The following DCLK2 variants were observed in gnomAD, a reference collection of about 807,000 sequenced individuals.
DCLK2 encodes serine/threonine-protein kinase DCLK2.
DCLK2 carries 31 observed loss-of-function variants against 78.4 expected under a neutral mutation model. That is an observed-to-expected ratio of 0.40 (90% CI 0.30 to 0.53). The LOEUF is 0.53. Ranked by LOEUF, DCLK2 falls within the 20% of genes least tolerant of loss-of-function variation. DCLK2 has a pLI of 0.61. For missense variants in DCLK2, 872 were observed against 973.7 expected, an observed-to-expected ratio of 0.90 and a Z score of 1.39; for synonymous variants, 407 against 374.9, an observed-to-expected ratio of 1.09 and a Z score of -0.99.
chr4:150,155,477 G>A (rs956499925), intron 2 of DCLK2, among the ~76,000 whole-genome samples: 1 of 152,196 alleles, frequency 6.6e-6, no homozygotes, highest in Non-Finnish European at 1.5e-5. Flanking sequence ...TTTATGAAAG[G>A]AAGAGAATGA....
intron 10 of DCLK2, among the ~76,000 whole-genome samples, chr4:150,235,863 T>C (rs1742459071): frequency 6.6e-6 from 1 of 152,218 alleles, no homozygotes; most frequent in Non-Finnish European, 1.5e-5. Flanking sequence ...GTAAGCAGCA[T>C]CATAATTTAA....
intron 2 of DCLK2, among the ~76,000 whole-genome samples, chr4:150,114,716 C>T (rs1731947311): frequency 1.3e-5 from 2 of 152,194 alleles, no homozygotes; most frequent in Non-Finnish European, 2.9e-5. Context: ...AATAAGACCC[C>T]ACTCCCTTTT....
chr4:150,091,658 G>T (rs1169962220), intron 1 of DCLK2, among the ~76,000 whole-genome samples: 2 of 152,110 alleles, frequency 1.3e-5, no homozygotes, highest in Non-Finnish European at 2.9e-5. Context: ...TATAACAGAG[G>T]TGTATGAGAG....
intron 2 of DCLK2, among the ~76,000 whole-genome samples, chr4:150,105,187 A>T (rs1731168082): frequency 6.6e-6 from 1 of 152,176 alleles, no homozygotes; most frequent in Non-Finnish European, 1.5e-5. Flanking sequence ...TGAAATGGGA[A>T]CAGATTTTCT....
At chr4:150,095,148 G>A (rs12502816) in intron 1 of DCLK2, among the ~76,000 whole-genome samples, 57,607 of 151,934 alleles carry the variant, frequency 0.38, 11,154 homozygotes, top group Non-Finnish European at 0.42. Flanking sequence ...TAAAACACAC[G>A]CAGCCAGAAT....
intron 1 of DCLK2, among the ~76,000 whole-genome samples, chr4:150,092,312 T>C (rs1730138758): frequency 6.6e-6 from 1 of 152,234 alleles, no homozygotes; most frequent in African/African-American, 2.4e-5. Context: ...TCAATTCTTC[T>C]GGATATATAC....
chr4:150,081,191 C>T (rs986685838), intron 1 of DCLK2, among the ~76,000 whole-genome samples: 1 of 152,134 alleles, frequency 6.6e-6, no homozygotes, highest in South Asian at 2.1e-4. Flanking sequence ...TGTTAATATC[C>T]TTCTCTAAAG....
At chr4:150,097,441 G>A (rs1236640844) in intron 1 of DCLK2, among the ~76,000 whole-genome samples, 1 of 152,144 alleles carries the variant, frequency 6.6e-6, no homozygotes, top group Non-Finnish European at 1.5e-5. Flanking sequence ...GGGATTACAG[G>A]CATGAGCTAC....
intron 4 of DCLK2, among the ~76,000 whole-genome samples, chr4:150,200,021 T>TA (rs1255032749): frequency 6.6e-6 from 1 of 152,134 alleles, no homozygotes; most frequent in Non-Finnish European, 1.5e-5. Flanking sequence ...CTGTCTCTTT[T>TA]AAAAAAATTT....
chr4:150,248,097 T>C (rs1743471670), intron 13 of DCLK2, among the ~76,000 whole-genome samples: 4 of 152,204 alleles, frequency 2.6e-5, no homozygotes, highest in Admixed American at 2.6e-4. Flanking sequence ...ACATCTTAGT[T>C]TCACATGGAC....
At chr4:150,216,483 TA>T (rs1740727550) in intron 5 of DCLK2, among the ~76,000 whole-genome samples, 1 of 152,032 alleles carries the variant, frequency 6.6e-6, no homozygotes, top group Non-Finnish European at 1.5e-5. Context: ...ACCAAAAATT[TA>T]AAAAATTAGT....
chr4:150,121,925 A>AT (rs1057438159), intron 2 of DCLK2, among the ~76,000 whole-genome samples: 1 of 152,028 alleles, frequency 6.6e-6, no homozygotes, highest in Admixed American at 6.6e-5. Context: ...TTTGAAATGA[A>AT]TTTTTTTTCC....
chr4:150,193,495 T>G (rs1172982160), intron 3 of DCLK2, among the ~76,000 whole-genome samples: 1 of 152,234 alleles, frequency 6.6e-6, no homozygotes, highest in African/African-American at 2.4e-5. Flanking sequence ...TTTTAGCAAT[T>G]CAGTTCCCTC....
At chr4:150,136,750 A>G (rs552534784) in intron 2 of DCLK2, among the ~76,000 whole-genome samples, 1 of 152,124 alleles carries the variant, frequency 6.6e-6, no homozygotes, top group South Asian at 2.1e-4. Context: ...CAAGTCTCCA[A>G]ACTTGGTTCA....
chr4:150,254,311 A>G, intron 15 of DCLK2: 1 of 398,420 alleles, frequency 2.5e-6, no homozygotes. Context: ...TTAATTTAAG[A>G]TAGACAAAAC....
chr4:150,115,267 T>C (rs1731993542), intron 2 of DCLK2, among the ~76,000 whole-genome samples: 1 of 152,186 alleles, frequency 6.6e-6, no homozygotes, highest in Admixed American at 6.5e-5. Flanking sequence ...TTGTCATTCA[T>C]ATCATAAGTG....
chr4:150,214,654 G>A (rs1560876431), intron 5 of DCLK2, among the ~76,000 whole-genome samples: 2 of 152,000 alleles, frequency 1.3e-5, no homozygotes, highest in South Asian at 2.1e-4. Flanking sequence ...TTACTTTCTG[G>A]TCTTTCATAG....
chr4:150,242,807 G>A (rs1224354995), intron 12 of DCLK2, among the ~76,000 whole-genome samples: 1 of 152,218 alleles, frequency 6.6e-6, no homozygotes, highest in African/African-American at 2.4e-5. Flanking sequence ...AAGAGTAAAT[G>A]TGGGAGAAAA....
intron 2 of DCLK2, among the ~76,000 whole-genome samples, chr4:150,175,870 C>T (rs60526300): frequency 0.15 from 23,129 of 152,084 alleles, 2,180 homozygotes; most frequent in Non-Finnish European, 0.22. Flanking sequence ...CTCTCTGTAC[C>T]GTGCTCCTTC....
Sources: gnomAD v4.1 joint callset for allele counts (sites outside exome capture counted in the v4.1 genomes callset) on GRCh38, gnomAD v4.1.1 for gene constraint, MANE v1.5 for transcripts, NCBI Gene and HGNC (gene_info 2026-07-23, HGNC 2026-07-21) for gene names.